GRIP1: variants seen among roughly 807,000 people sequenced by gnomAD.
The protein encoded by GRIP1 is glutamate receptor interacting protein 1.
GRIP1 carries 45 observed loss-of-function variants against 129.9 expected under a neutral mutation model. That is an observed-to-expected ratio of 0.35 (90% CI 0.27 to 0.44). The LOEUF (loss-of-function observed/expected upper bound fraction) is 0.44. Ranked by LOEUF, GRIP1 falls within the 20% of genes least tolerant of loss-of-function variation. The pLI is 1.00. For synonymous variants in GRIP1, 530 were observed against 520.8 expected (o/e 1.02, Z -0.24); for missense variants, 1,196 against 1,396.8 (o/e 0.86, Z 2.29).
At chr12:66,957,821 A>G (rs1031356918) in intron 1 of GRIP1, among the ~76,000 whole-genome samples, 2 of 152,140 alleles carry the variant, frequency 1.3e-5, no homozygotes, top group South Asian at 2.1e-4. Context: ...TCCTCTTTCC[A>G]TACTCTACTC....
chr12:66,603,831 C>T (rs1392498290), intron 1 of GRIP1, among the ~76,000 whole-genome samples: 1 of 152,140 alleles, frequency 6.6e-6, no homozygotes, highest in Non-Finnish European at 1.5e-5. Flanking sequence ...CCTGAAATGG[C>T]TGAATTATAG....
chr12:66,738,036 C>A (rs376667400), intron 1 of GRIP1, among the ~76,000 whole-genome samples: 2 of 152,162 alleles, frequency 1.3e-5, no homozygotes, highest in East Asian at 3.9e-4. Context: ...GGGGAATTCA[C>A]TTCTGGTGCC....
At chr12:66,627,527 T>C (rs2030229269) in intron 1 of GRIP1, among the ~76,000 whole-genome samples, 2 of 152,250 alleles carry the variant, frequency 1.3e-5, no homozygotes, top group South Asian at 4.1e-4. Context: ...GTTACTGTAG[T>C]GGACGAGTAA....
chr12:66,832,658 T>C (rs1474541043), intron 1 of GRIP1, among the ~76,000 whole-genome samples: 1 of 152,146 alleles, frequency 6.6e-6, no homozygotes, highest in East Asian at 1.9e-4. Context: ...TTGAAGAAAA[T>C]ATCCAAATTA....
chr12:66,600,236 C>T (rs2064220003), intron 1 of GRIP1, among the ~76,000 whole-genome samples: 1 of 152,190 alleles, frequency 6.6e-6, no homozygotes, highest in Admixed American at 6.5e-5. Flanking sequence ...ATATAGCTCA[C>T]TGATCCCCAG....
chr12:66,401,264 T>C (rs972100204), intron 16 of GRIP1, among the ~76,000 whole-genome samples: 1 of 152,032 alleles, frequency 6.6e-6, no homozygotes, highest in African/African-American at 2.4e-5. Flanking sequence ...GCAAACTTAT[T>C]GGTGAGTTAT....
chr12:66,593,395 A>T (rs975356879), intron 2 of GRIP1, among the ~76,000 whole-genome samples: 66 of 152,344 alleles, frequency 4.3e-4, no homozygotes, highest in African/African-American at 1.5e-3. Flanking sequence ...TTTTGACATG[A>T]ATAAAAACAA....
chr12:66,405,825 T>C (rs1244725155), intron 16 of GRIP1, among the ~76,000 whole-genome samples: 1 of 152,186 alleles, frequency 6.6e-6, no homozygotes, highest in Non-Finnish European at 1.5e-5. Flanking sequence ...GGAAGCAATA[T>C]AGTGATTTAA....
intron 1 of GRIP1, among the ~76,000 whole-genome samples, chr12:66,896,126 GA>G (rs2040742974): frequency 6.6e-6 from 1 of 152,146 alleles, no homozygotes. Context: ...GCTAGAACTG[GA>G]GCAGGATGAA....
At chr12:66,556,719 C>T (rs2139361359) in intron 2 of GRIP1, among the ~76,000 whole-genome samples, 1 of 151,482 alleles carries the variant, frequency 6.6e-6, no homozygotes, top group Admixed American at 6.6e-5. Flanking sequence ...TTTCCTTTTG[C>T]ATATTTGTTT....
intron 1 of GRIP1, among the ~76,000 whole-genome samples, chr12:67,003,288 G>T (rs529729017): frequency 6.6e-6 from 1 of 152,226 alleles, no homozygotes; most frequent in South Asian, 2.1e-4. Context: ...ATAAATTGTT[G>T]TACTTAGACT....
chr12:66,929,594 GT>G (rs1219355105), intron 1 of GRIP1, among the ~76,000 whole-genome samples: 1 of 152,032 alleles, frequency 6.6e-6, no homozygotes, highest in Non-Finnish European at 1.5e-5. Flanking sequence ...ATATCTCTCC[GT>G]CCTGATCCAA....
chr12:66,389,900 A>G (rs915646272), intron 19 of GRIP1, among the ~76,000 whole-genome samples: 4 of 152,356 alleles, frequency 2.6e-5, no homozygotes, highest in East Asian at 3.9e-4. Context: ...AGACACAGTT[A>G]AAGGAACTGG....
Position 66,815,854 on chromosome 12 carries a change from T to TCTCTCTCTC in GRIP1, c.59-218928_59-218927insGAGAGAGAG, listed in dbSNP as rs374620257. Among the ~76,000 whole-genome samples the TCTCTCTCTC allele has an allele frequency of 2.7e-3, 320 of 116,834 alleles. 1 individual carries two copies. The highest frequency in any genetic ancestry group is 6.6e-3 in the South Asian group (20 of 3,036). 76.6% of individuals were successfully genotyped at this position (116,834 alleles called of 152,430 possible). A position where few individuals can be genotyped will look rare whatever the true frequency, so the allele number is the denominator to read the frequency against. On this transcript the variant is annotated intron_variant, in intron 1 of 1. Transcript: ENST00000643019. ...TTTCTTTCTTTCTTTCTTTCTTTCT[T>TCTCTCTCTC]TCTCTCTCTCTCTCTCTCTCTCTCT...
At chr12:66,755,823 G>A (rs1377786621) in intron 1 of GRIP1, among the ~76,000 whole-genome samples, 1 of 152,234 alleles carries the variant, frequency 6.6e-6, no homozygotes, top group Admixed American at 6.5e-5. Flanking sequence ...GAGCAGGGCA[G>A]ATAAATGCCC....
intron 7 of GRIP1, among the ~76,000 whole-genome samples, chr12:66,481,534 G>A (rs966840447): frequency 1.3e-5 from 2 of 152,212 alleles, no homozygotes; most frequent in African/African-American, 4.8e-5. Flanking sequence ...GTGGAAGTCA[G>A]TGTGGCAATT....
intron 1 of GRIP1, among the ~76,000 whole-genome samples, chr12:66,970,186 A>T (rs1383546485): frequency 6.6e-6 from 1 of 152,080 alleles, no homozygotes; most frequent in Non-Finnish European, 1.5e-5. Context: ...GGCTCAAGTG[A>T]TCCTCCCACC....
intron 1 of GRIP1, among the ~76,000 whole-genome samples, chr12:67,038,456 T>A (rs949364510): frequency 6.6e-6 from 1 of 152,202 alleles, no homozygotes; most frequent in South Asian, 2.1e-4. Context: ...CAATGTACAT[T>A]GATATAAAAT....
intron 2 of GRIP1, among the ~76,000 whole-genome samples, chr12:66,578,238 T>TTTTTTTTTTTTTTTTTTTTTTTTG (rs1555210384): frequency 6.9e-6 from 1 of 144,390 alleles, no homozygotes; most frequent in Admixed American, 7.1e-5. Context: ...CGCGGTTTTT[T>TTTTTTTTTTTTTTTTTTTTTTTTG]TTTTTTTTTT....
Sources: gnomAD v4.1 joint callset for allele counts (sites outside exome capture counted in the v4.1 genomes callset) on GRCh38, gnomAD v4.1.1 for gene constraint, MANE v1.5 for transcripts, NCBI Gene and HGNC (gene_info 2026-07-23, HGNC 2026-07-21) for gene names.